TSPAN18: variants seen among roughly 807,000 people sequenced by gnomAD.
TSPAN18 encodes the protein tetraspanin 18.
In TSPAN18, 14 loss-of-function variants were observed where a neutral mutation model predicts 27.3. That is an observed-to-expected ratio of 0.51 (90% confidence interval 0.34 to 0.80). The LOEUF (loss-of-function observed/expected upper bound fraction) is 0.80, where lower values mean the gene tolerates loss of function less well. Among genes scored for constraint, TSPAN18 ranks in the 30% least tolerant of loss-of-function variants. TSPAN18 has a pLI of 0.01. For missense variants in TSPAN18, 268 were observed against 323.9 expected (o/e 0.83, Z 1.32); for synonymous variants, 143 against 136.5 (o/e 1.05, Z -0.33).
chr11:44,918,348 C>T (rs187088925), intron 6 of TSPAN18, among the ~76,000 whole-genome samples: 2 of 152,268 alleles, frequency 1.3e-5, no homozygotes, highest in East Asian at 3.9e-4. Context: ...GATAGTGAGA[C>T]AGTCAGAATA....
chr11:44,920,143 C>T, intron 8 of TSPAN18, 144 bp downstream of exon 8: 1 of 840,158 alleles, frequency 1.2e-6, no homozygotes, highest in Non-Finnish European at 1.8e-6. Flanking sequence ...GGGATGCCTG[C>T]ACCTGAGCAG....
intron 2 of TSPAN18, among the ~76,000 whole-genome samples, chr11:44,829,637 G>A (rs952961382): frequency 6.6e-6 from 1 of 152,116 alleles, no homozygotes; most frequent in Non-Finnish European, 1.5e-5. Flanking sequence ...AAAAACTGCT[G>A]TAAACATTAG....
intron 2 of TSPAN18, among the ~76,000 whole-genome samples, chr11:44,790,153 A>ATGTGTGTGTGTGCATG (rs1554983800): frequency 1.1e-4 from 14 of 132,148 alleles, no homozygotes; most frequent in Non-Finnish European, 1.9e-4. Flanking sequence ...GCGTGTGTGC[A>ATGTGTGTGTGTGCATG]TGTGTGTGTG....
At chr11:44,839,520 G>C (rs1229395847) in intron 2 of TSPAN18, among the ~76,000 whole-genome samples, 3 of 152,062 alleles carry the variant, frequency 2.0e-5, no homozygotes, top group Non-Finnish European at 4.4e-5. Flanking sequence ...ACCTGCAACA[G>C]CTTCTCGGGA....
intron 1 of TSPAN18, among the ~76,000 whole-genome samples, chr11:44,745,703 T>C (rs1203686166): frequency 6.6e-6 from 1 of 152,164 alleles, no homozygotes; most frequent in African/African-American, 2.4e-5. Flanking sequence ...TCCCTCTCTG[T>C]TATACTTCAA....
chr11:44,921,487 C>T (rs1035480774), intron 8 of TSPAN18, among the ~76,000 whole-genome samples: 2 of 152,128 alleles, frequency 1.3e-5, no homozygotes, highest in East Asian at 1.9e-4. Context: ...ACCATGTAAC[C>T]GAGTTCTGGC....
At chr11:44,916,932 T>A (rs1478704278) in intron 5 of TSPAN18, among the ~76,000 whole-genome samples, 1 of 152,208 alleles carries the variant, frequency 6.6e-6, no homozygotes, top group Non-Finnish European at 1.5e-5. Flanking sequence ...CAAAGCCAGT[T>A]TCTTCTGCTG....
chr11:44,887,589 G>A (rs531371769), intron 3 of TSPAN18, among the ~76,000 whole-genome samples: 1 of 152,158 alleles, frequency 6.6e-6, no homozygotes, highest in African/African-American at 2.4e-5. Flanking sequence ...TAAGTTTCCT[G>A]TGTTCACCTG....
chr11:44,845,221 A>G (rs1053177129), intron 2 of TSPAN18, among the ~76,000 whole-genome samples: 52 of 152,350 alleles, frequency 3.4e-4, no homozygotes, highest in African/African-American at 1.3e-3. Context: ...AGTAAGACAT[A>G]CAAGTCAACA....
In TSPAN18 at chr11:44,759,917, G is replaced by A. The variant is rs544824154; in HGVS notation, c.-239-4509G>A. 1.1e-3 allele frequency among the ~76,000 whole-genome samples: 163 copies of A among 152,302 alleles called. 6 individuals are homozygous for A. The South Asian group carries it at 0.033, about 31-fold the overall frequency. ...TTATGCCTGTTGAGAGAGTGGGAAG[G>A]TTTCACAAAGGAGTTAACTGAAAGA... is the stretch of plus-strand genomic sequence containing the variant. On this transcript the variant is annotated intron_variant, in intron 1 of 9. Coordinates refer to ENST00000520358, the MANE Select transcript of TSPAN18 (RefSeq NM_130783.5).
rs190945848 is a variant in TSPAN18, at chr11:44,855,528, T to C, written c.-152-4800T>C. Among the ~76,000 whole-genome samples the C allele has an allele frequency of 2.2e-3, 332 of 152,318 alleles. 2 individuals carry two copies. The highest frequency in any genetic ancestry group is 6.4e-3 in the African/African-American group (266 of 41,572). On this transcript the variant is annotated intron_variant, in intron 2 of 9. Transcript: ENST00000520358. ...TTTCTGAAATGGCTTTATTTTTTTT[T>C]CCCACTTTATAGGGGAGGGAACTGA...
At position 44,731,800 on chromosome 11, in the gene TSPAN18, C is replaced by T. The variant is rs1257266284; in HGVS notation, c.-240+4513C>T. ...CCCCATGGCAAGAAGCCCAATTTGA[C>T]GTCACTGACAATATCCTGGCTCCTG... is the stretch of plus-strand genomic sequence containing the variant. On this transcript the variant is annotated intron_variant, in intron 1 of 9. Coordinates refer to ENST00000520358, the MANE Select transcript of TSPAN18 (RefSeq NM_130783.5). Among the ~76,000 whole-genome samples the T allele has an allele frequency of 3.3e-5, 5 of 152,112 alleles. No homozygotes were observed. The East Asian group carries it at 7.7e-4, about 23-fold the overall frequency.
At chr11:44,878,199 CTG>C (rs1858391012) in intron 3 of TSPAN18, among the ~76,000 whole-genome samples, 1 of 152,136 alleles carries the variant, frequency 6.6e-6, no homozygotes. Flanking sequence ...CCAGATTAGA[CTG>C]TGTTAACAAA....
intron 2 of TSPAN18, among the ~76,000 whole-genome samples, chr11:44,804,065 G>C (rs1856538962): frequency 6.6e-6 from 1 of 151,888 alleles, no homozygotes; most frequent in South Asian, 2.1e-4. Context: ...TTGCTGCTTT[G>C]TCTCTTTCTG....
chr11:44,762,717 T>A (rs1441940396), intron 1 of TSPAN18, among the ~76,000 whole-genome samples: 1 of 151,956 alleles, frequency 6.6e-6, no homozygotes, highest in East Asian at 1.9e-4. Flanking sequence ...ATGCATGAGG[T>A]CCCCCTGCGC....
At position 44,922,937 on chromosome 11, in the gene TSPAN18, C is replaced by T. The variant is rs773790188; in HGVS notation, c.615+2938C>T. On this transcript the variant is annotated intron_variant, in intron 8 of 9. Coordinates refer to ENST00000520358, the MANE Select transcript of TSPAN18 (RefSeq NM_130783.5). ...CAGCCCAGCCAACACGGAGAAACCC[C>T]GTCTCTACTAAAAATACAAAAATTA... Among the ~76,000 whole-genome samples the T allele has an allele frequency of 8.2e-4, 125 of 152,058 alleles. 2 individuals are homozygous for T. The highest frequency in any genetic ancestry group is 8.1e-4 in the Non-Finnish European group (55 of 68,002).
At chr11:44,923,544 G>C (rs1860226977) in intron 8 of TSPAN18, among the ~76,000 whole-genome samples, 3 of 152,134 alleles carry the variant, frequency 2.0e-5, no homozygotes, top group Admixed American at 1.3e-4. Flanking sequence ...CCCATAGGAG[G>C]GAGAACCCAG....
chr11:44,769,691 T>A (rs1231032435), intron 2 of TSPAN18, among the ~76,000 whole-genome samples: 9 of 152,260 alleles, frequency 5.9e-5, no homozygotes, highest in Admixed American at 5.2e-4. Flanking sequence ...TTTGTGGGCA[T>A]AGAGTTGTGT....
Position 44,931,014 on chromosome 11 carries a change from C to G in TSPAN18, c.*1836C>G, listed in dbSNP as rs1266052877. Reference sequence around the variant, plus strand: ...GCGTCTGCCCCCTTCTGAGATGCAGCCAGAAGCTCTGTGCCTGCTGCAAAG... The same window carrying G: ...GCGTCTGCCCCCTTCTGAGATGCAGGCAGAAGCTCTGTGCCTGCTGCAAAG... On this transcript the variant is annotated 3_prime_UTR_variant, in exon 10 of 10. Coordinates refer to ENST00000520358, the MANE Select transcript of TSPAN18 (RefSeq NM_130783.5). The G allele has an allele frequency of 2.2e-6, 1 of 463,316 alleles. No individual in the cohort carries two copies. The highest frequency in any genetic ancestry group is 2.0e-5 in the African/African-American group (1 of 50,210). 28.7% of individuals were successfully genotyped at this position (463,316 alleles called of 1,614,324 possible).
Sources: gnomAD v4.1 joint callset for allele counts (sites outside exome capture counted in the v4.1 genomes callset) on GRCh38, gnomAD v4.1.1 for gene constraint, MANE v1.5 for transcripts, NCBI Gene and HGNC (gene_info 2026-07-23, HGNC 2026-07-21) for gene names.